RBM38: variants seen among roughly 807,000 people sequenced by gnomAD.
RBM38 encodes RNA binding motif protein 38, also known as RNA-binding protein 38.
Under a neutral mutation model 23.5 loss-of-function variants are expected in RBM38, and 11 were observed. The ratio of observed to expected loss-of-function variants is 0.47; its 90% CI spans 0.29 to 0.77. The LOEUF (loss-of-function observed/expected upper bound fraction) is 0.77. Among genes scored for constraint, RBM38 ranks in the 30% least tolerant of loss-of-function variants. The pLI is 0.08. For synonymous variants in RBM38, 165 were observed against 166.1 expected, an observed-to-expected ratio of 0.99 and a Z score of 0.05; for missense variants, 330 against 351.9, an observed-to-expected ratio of 0.94 and a Z score of 0.50.
rs369190932 is a variant in RBM38 at position 57,397,783 on chromosome 20, G to A, written c.416+4450G>A. ...GCTGTATGCCAGACCTGGTGCCAGGGATCCTTTGAATAAGAAAGACACGGT... is the reference window on the plus strand; with the variant it reads ...GCTGTATGCCAGACCTGGTGCCAGGAATCCTTTGAATAAGAAAGACACGGT... On this transcript the variant is annotated intron_variant, in intron 3 of 3. Transcript: ENST00000356208. 1.8e-4 allele frequency among the ~76,000 whole-genome samples: 28 copies of A among 152,330 alleles called. No individual in the cohort carries two copies. The South Asian group carries it at 2.9e-3, about 16-fold the overall frequency.
chr20:57,406,046 G>A (rs1221998897), intron 3 of RBM38, among the ~76,000 whole-genome samples: 1 of 152,246 alleles, frequency 6.6e-6, no homozygotes, highest in Admixed American at 6.5e-5. Flanking sequence ...TCACCCCCCA[G>A]GCGGGCCTGG....
intron 3 of RBM38, among the ~76,000 whole-genome samples, chr20:57,404,330 G>A (rs1316454461): frequency 6.6e-6 from 1 of 152,272 alleles, no homozygotes; most frequent in African/African-American, 2.4e-5. Context: ...GTCTGCATGG[G>A]ATCCACATTT....
chr20:57,406,502 A>G (rs1323850594), intron 3 of RBM38, among the ~76,000 whole-genome samples: 1 of 152,018 alleles, frequency 6.6e-6, no homozygotes, highest in East Asian at 1.9e-4. Flanking sequence ...TGATGGGAAG[A>G]CCAAGCCGAC....
chr20:57,406,723 G>A (rs1171653027), intron 3 of RBM38, among the ~76,000 whole-genome samples: 1 of 152,232 alleles, frequency 6.6e-6, no homozygotes, highest in African/African-American at 2.4e-5. Flanking sequence ...GCTGGGCACG[G>A]TGGCTCACGC....
chr20:57,408,303 CTT>C lies in RBM38; in HGVS notation c.*458_*459del. 1 of 200,998 alleles carries C rather than the reference CTT, an allele frequency of 5.0e-6. No homozygotes were observed. Among genetic ancestry groups the C allele is most frequent in the Non-Finnish European group, 1.0e-5 (1 of 96,242 alleles). 12.5% of individuals were successfully genotyped at this position (200,998 alleles called of 1,614,324 possible). On this transcript the variant is annotated 3_prime_UTR_variant, in exon 4 of 4. Coordinates refer to ENST00000356208, the MANE Select transcript of RBM38 (RefSeq NM_017495.6). ...GAAGTTAATGGACTGTTTATTGTAACTTGATCCTCCCGAGCTGTGAGCGCAGT... is the reference window on the plus strand; with the variant it reads ...GAAGTTAATGGACTGTTTATTGTAACGATCCTCCCGAGCTGTGAGCGCAGT...
chr20:57,394,532 G>T lies in RBM38; in HGVS notation c.416+1199G>T, dbSNP rs544745879. On this transcript the variant is annotated intron_variant, in intron 3 of 3. Coordinates refer to ENST00000356208, the MANE Select transcript of RBM38 (RefSeq NM_017495.6). ...AGGGTGGCCGGGGCCCTTCTAGCCT[G>T]TGCGAGTGGCCGGGCAGCTCAGGTT... Among the ~76,000 whole-genome samples the T allele has an allele frequency of 2.2e-4, 33 of 152,310 alleles. 1 individual carries two copies. Among genetic ancestry groups the T allele is most frequent in the African/African-American group, 7.9e-4 (33 of 41,568 alleles).
At chr20:57,393,176 T>C in intron 2 of RBM38, 103 bp from the exon 3 acceptor site, 1 of 1,122,324 alleles carries the variant, frequency 8.9e-7, no homozygotes, top group South Asian at 1.2e-5. Context: ...TGATCCCTTT[T>C]GACTAGAGGT....
chr20:57,392,605 G>A, intron 1 of RBM38, 49 bp from the exon 2 acceptor site: 15 of 1,571,824 alleles, frequency 9.5e-6, no homozygotes, highest in Non-Finnish European at 1.3e-5. Context: ...TGCCCCTTTC[G>A]CCCCTGGTTC....
chr20:57,395,545 G>A (rs2067265366), intron 3 of RBM38, among the ~76,000 whole-genome samples: 1 of 152,214 alleles, frequency 6.6e-6, no homozygotes, highest in African/African-American at 2.4e-5. Context: ...GTTGCCAAAG[G>A]GTGGAGACCC....
intron 3 of RBM38, among the ~76,000 whole-genome samples, chr20:57,394,073 T>C (rs2067248891): frequency 6.6e-6 from 1 of 152,166 alleles, no homozygotes; most frequent in African/African-American, 2.4e-5. Flanking sequence ...CTGTCTGCCC[T>C]AGCGCCGTGG....
At chr20:57,397,121 C>T (rs946367851) in intron 3 of RBM38, among the ~76,000 whole-genome samples, 3 of 152,220 alleles carry the variant, frequency 2.0e-5, no homozygotes, top group East Asian at 1.9e-4. Flanking sequence ...TCTGCAGGCT[C>T]CTCCCCATCT....
intron 3 of RBM38, 53 bp downstream of exon 3, chr20:57,393,386 A>G (rs2067241281): frequency 1.3e-6 from 2 of 1,571,682 alleles, no homozygotes; most frequent in South Asian, 2.2e-5. Context: ...TGAAGTGGAG[A>G]GGGCCTTGGG....
intron 3 of RBM38, chr20:57,399,791 G>C (rs1019943350): frequency 2.3e-6 from 1 of 435,252 alleles, no homozygotes; most frequent in African/African-American, 2.0e-5. Flanking sequence ...CAGGCGCCTC[G>C]GGGACCTTCC....
Position 57,407,416 on chromosome 20 carries a change from C to T in RBM38, c.417-127C>T. 1.8e-6 allele frequency: 2 copies of T among 1,091,012 alleles called. No homozygotes were observed. The highest frequency in any genetic ancestry group is 1.5e-5 in the South Asian group (1 of 65,676). 67.6% of individuals were successfully genotyped at this position (1,091,012 alleles called of 1,614,324 possible). A position where few individuals can be genotyped will look rare whatever the true frequency, so the allele number is the denominator to read the frequency against. ...CATCTGGCCAGGTGCTGTTTCTGTGCCCATCTGACCGATGAGGAAAGTCGG... is the reference window on the plus strand; with the variant it reads ...CATCTGGCCAGGTGCTGTTTCTGTGTCCATCTGACCGATGAGGAAAGTCGG... On this transcript the variant is annotated intron_variant, in intron 3 of 3. Coordinates refer to ENST00000356208, the MANE Select transcript of RBM38 (RefSeq NM_017495.6). The surrounding 1 kb of genome is among the most constrained non-coding windows in gnomAD (Gnocchi z 4.0).
intron 3 of RBM38, among the ~76,000 whole-genome samples, chr20:57,393,815 G>C (rs1294001595): frequency 6.6e-6 from 1 of 152,164 alleles, no homozygotes; most frequent in African/African-American, 2.4e-5. Flanking sequence ...TGTGAACGTT[G>C]CTGTAGATAC....
At chr20:57,392,927 C>G (rs568712349) in intron 2 of RBM38, 150 bp downstream of exon 2, 114 of 1,085,274 alleles carry the variant, frequency 1.1e-4, no homozygotes, top group African/African-American at 4.6e-4. Context: ...AGCCATCCCC[C>G]CCTCGAGGAT....
chr20:57,402,018 G>C (rs2067333100), intron 3 of RBM38, among the ~76,000 whole-genome samples: 1 of 152,142 alleles, frequency 6.6e-6, no homozygotes, highest in African/African-American at 2.4e-5. Context: ...CTTGATCTCA[G>C]CTCACTGCAG....
rs11546712 is a variant in RBM38 at position 57,408,223 on chromosome 20, C to T, written c.*377C>T. On this transcript the variant is annotated 3_prime_UTR_variant, in exon 4 of 4. Transcript: ENST00000356208. ...GGGGTGTCACAGACCCTCTGCAGCC[C>T]CTGGCTGCCCTGGACTGTGCAGAGA... 1.9e-3 allele frequency: 692 copies of T among 361,592 alleles called. 6 individuals carry two copies. The highest frequency in any genetic ancestry group is 0.014 in the African/African-American group (663 of 48,132). 22.4% of individuals were successfully genotyped at this position (361,592 alleles called of 1,614,324 possible). A position where few individuals can be genotyped will look rare whatever the true frequency, so the allele number is the denominator to read the frequency against.
chr20:57,396,215 C>T (rs1455389639), intron 3 of RBM38, among the ~76,000 whole-genome samples: 1 of 152,228 alleles, frequency 6.6e-6, no homozygotes, highest in Non-Finnish European at 1.5e-5. Context: ...AGACCTAACT[C>T]ACCTGTGCAT....
Sources: allele counts gnomAD v4.1 joint callset (sites outside exome capture counted in the v4.1 genomes callset), GRCh38; gene constraint gnomAD v4.1.1; non-coding constraint Gnocchi (gnomAD v3.1); transcripts MANE v1.5; gene names NCBI Gene and HGNC (gene_info 2026-07-23, HGNC 2026-07-21).